Variants in AXIN2 observed in about 807,000 individuals in gnomAD.
AXIN2 encodes axin 2, also known as axin-2.
AXIN2 carries 21 observed loss-of-function variants against 74.7 expected under a neutral mutation model. The observed-to-expected ratio is 0.28, with a 90% CI of 0.20 to 0.40. The LOEUF (loss-of-function observed/expected upper bound fraction) is 0.40. Among genes scored for constraint, AXIN2 ranks in the 10% least tolerant of loss-of-function variants. The pLI is 1.00. For missense variants in AXIN2, 1,144 were observed against 1,111.1 expected, an observed-to-expected ratio of 1.03 and a Z score of -0.42; for synonymous variants, 532 against 454.9, an observed-to-expected ratio of 1.17 and a Z score of -2.16.
rs1041285156 is a variant in AXIN2, at chr17:65,529,690, T to C, written c.*286A>G. On this transcript the variant is annotated 3_prime_UTR_variant, in exon 11 of 11. Coordinates refer to ENST00000307078, the MANE Select transcript of AXIN2 (RefSeq NM_004655.4). ...CAGATCCCTAGGAAGTCATATATTATGTATGGCAGTCTCTCAAATACAGGC... is the reference window on the plus strand; with the variant it reads ...CAGATCCCTAGGAAGTCATATATTACGTATGGCAGTCTCTCAAATACAGGC... 6 of 482,350 alleles carry C rather than the reference T, an allele frequency of 1.2e-5. No individual in the cohort carries two copies. Among genetic ancestry groups the C allele is most frequent in the South Asian group, 8.4e-5 (4 of 47,844 alleles). 29.9% of individuals were successfully genotyped at this position (482,350 alleles called of 1,614,324 possible).
chr17:65,546,688 A>T (rs1459846875), intron 3 of AXIN2, among the ~76,000 whole-genome samples: 1 of 152,222 alleles, frequency 6.6e-6, no homozygotes, highest in Non-Finnish European at 1.5e-5. Context: ...TGTGACAGTT[A>T]ATCTGATAAC....
chr17:65,541,362 C>A (rs1224162636), intron 4 of AXIN2, 93 bp downstream of exon 4: 2 of 1,161,094 alleles, frequency 1.7e-6, no homozygotes, highest in African/African-American at 1.5e-5. Context: ...TTTCTACCTT[C>A]CCTATACCTC....
rs757100957 is a variant in AXIN2 at position 65,536,356 on chromosome 17, C to T, written c.2105G>A (p.Arg702His). The change falls in exon 8 of 11, where the codon CGC becomes CAC. Residue 702 changes from arginine (R) to histidine (H), a missense_variant. Coordinates refer to ENST00000307078, the MANE Select transcript of AXIN2 (RefSeq NM_004655.4). ...GGGCTTCGACACCTCAGCTAGCCTG[C>T]GACAGGCCTCCTCCAGCTGAGCCAG... is the stretch of plus-strand genomic sequence containing the variant. The part of the protein sequence containing the change: ...NTLAQLEEAC[R>H]RLAEVSKPPK... 2 of 1,613,318 alleles carry T rather than the reference C, an allele frequency of 1.2e-6. No individual in the cohort carries two copies. Among genetic ancestry groups the T allele is most frequent in the Non-Finnish European group, 1.7e-6 (2 of 1,179,898 alleles).
chr17:65,530,165 A>G (rs1036004936), intron 10 of AXIN2, 63 bp from the exon 11 acceptor site: 24 of 1,604,778 alleles, frequency 1.5e-5, no homozygotes, highest in Middle Eastern at 1.7e-4. Flanking sequence ...TGAAAAGAAA[A>G]GCATACCAAC....
chr17:65,531,885 C>T (rs2144402895), intron 10 of AXIN2, among the ~76,000 whole-genome samples: 1 of 152,308 alleles, frequency 6.6e-6, no homozygotes, highest in Admixed American at 6.5e-5. Flanking sequence ...CAGGTCCCCC[C>T]CACCTCCCAC....
At chr17:65,548,444 CTAAA>C (rs1329930310) in intron 3 of AXIN2, among the ~76,000 whole-genome samples, 50 of 152,232 alleles carry the variant, frequency 3.3e-4, no homozygotes, top group Non-Finnish European at 5.9e-5. Flanking sequence ...GGAACAAACT[CTAAA>C]TAAGTGTGCC....
chr17:65,554,548 G>A (rs1289111184), intron 2 of AXIN2, among the ~76,000 whole-genome samples: 3 of 152,342 alleles, frequency 2.0e-5, no homozygotes, highest in Non-Finnish European at 4.4e-5. Context: ...TCTAATTGTG[G>A]ACTACTGCTT....
At chr17:65,555,642 CAG>C (rs1482166793) in intron 2 of AXIN2, among the ~76,000 whole-genome samples, 2 of 152,132 alleles carry the variant, frequency 1.3e-5, no homozygotes, top group Admixed American at 6.6e-5. Flanking sequence ...TCCTATGACA[CAG>C]ACAGAAGGAA....
Position 65,553,850 on chromosome 17 carries a change from G to T in AXIN2, c.815+3956C>A, listed in dbSNP as rs867687746. On this transcript the variant is annotated intron_variant, in intron 2 of 10. Transcript: ENST00000307078. ...TGTGATTACTTAAAAAAAAAGGCGG[G>T]GGGGGGGGGAGGAAACTCAAACCAC... Among the ~76,000 whole-genome samples the T allele has an allele frequency of 1.3e-3, 187 of 142,702 alleles. 5 individuals carry two copies. The highest frequency in any genetic ancestry group is 5.6e-3 in the South Asian group (22 of 3,956). The allele number at this position is 142,702 out of a possible 152,430, so 93.6% of individuals were successfully genotyped here.
rs774353403 is a variant in AXIN2 at position 65,541,528 on chromosome 17, C to T, written c.986G>A (p.Ser329Asn). ...CATTTCTCTCTGGAGCTGTTTCTTACTGCCCACACGATAAGGAGGAATTCC... is the reference window on the plus strand; with the variant it reads ...CATTTCTCTCTGGAGCTGTTTCTTATTGCCCACACGATAAGGAGGAATTCC... Reference protein sequence around the residue: ...VDGIPPYRVGSKKQLQREMHR... With the variant: ...VDGIPPYRVGNKKQLQREMHR... Residue 329 changes from serine (S) to asparagine (N), a missense_variant, in exon 4 of 11, where the codon AGT becomes AAT. Coordinates refer to ENST00000307078, the MANE Select transcript of AXIN2 (RefSeq NM_004655.4). The T allele has an allele frequency of 8.7e-6, 14 of 1,614,052 alleles. No homozygotes were observed. The highest frequency in any genetic ancestry group is 1.6e-4 in the Middle Eastern group (1 of 6,082).
intron 2 of AXIN2, among the ~76,000 whole-genome samples, chr17:65,553,827 T>G (rs1316782141): frequency 1.8e-5 from 2 of 109,204 alleles, no homozygotes; most frequent in Non-Finnish European, 3.6e-5. Context: ...TGTTTTCTTG[T>G]GATTACTTAA....
intron 7 of AXIN2, 74 bp from the exon 8 acceptor site, chr17:65,536,627 A>T: frequency 6.5e-7 from 1 of 1,544,694 alleles, no homozygotes; most frequent in Non-Finnish European, 8.9e-7. Flanking sequence ...TGTGACTTCA[A>T]TAGAAACTTG....
intron 10 of AXIN2, among the ~76,000 whole-genome samples, chr17:65,531,535 C>T (rs1414778730): frequency 6.6e-6 from 1 of 152,050 alleles, no homozygotes; most frequent in African/African-American, 2.4e-5. Flanking sequence ...CAAATCCCAA[C>T]GCCACCCTCC....
chr17:65,535,237 C>T (rs1447812390), intron 9 of AXIN2, among the ~76,000 whole-genome samples: 1 of 152,142 alleles, frequency 6.6e-6, no homozygotes, highest in African/African-American at 2.4e-5. Context: ...CTTCTCCAAA[C>T]AAAAACACAA....
In AXIN2 at chr17:65,536,459, C is replaced by T. The variant is rs774732785; in HGVS notation, c.2002G>A (p.Gly668Arg). The T allele has an allele frequency of 1.2e-5, 20 of 1,613,774 alleles. No individual in the cohort carries two copies. The highest frequency in any genetic ancestry group is 7.7e-5 in the South Asian group (7 of 91,084). Residue 668 changes from glycine (G) to arginine (R), a missense_variant, in exon 8 of 11, where the codon GGG (glycine) becomes AGG (arginine). Transcript: ENST00000307078. Reference protein sequence around the residue: ...SRHHLWGGNSGHPRTTPRAHL... With the variant: ...SRHHLWGGNSRHPRTTPRAHL... ...GCACGGGGGGTGGTGCGGGGGTGCCCGCTGTTGCCCCCCCACAGATGGTGC... is the reference window on the plus strand; with the variant it reads ...GCACGGGGGGTGGTGCGGGGGTGCCTGCTGTTGCCCCCCCACAGATGGTGC...
rs1156549662 is a variant in AXIN2 at position 65,558,537 on chromosome 17, C to T, written c.84G>A (p.Gly28=). The T allele has an allele frequency of 5.6e-6, 9 of 1,613,772 alleles. No individual in the cohort carries two copies. The Admixed American group carries it at 1.5e-4, about 27-fold the overall frequency. Residue 28 remains glycine (G), a synonymous_variant, in exon 2 of 11, where the codon GGG becomes GGA. Coordinates refer to ENST00000307078, the MANE Select transcript of AXIN2 (RefSeq NM_004655.4). ...GACACGGTGGGGTCTCCCCTTCTTC[C>T]CCTGGCACTGGGGGCCGCGGGGCAT... The part of the protein sequence containing the change: ...REDAPRPPVP[G]EEGETPPCQP...
chr17:65,538,279 A>G lies in AXIN2; in HGVS notation c.1124T>C (p.Ile375Thr), dbSNP rs770644676. 6.2e-7 allele frequency: 1 copy of G among 1,614,152 alleles called. No homozygotes were observed. The highest frequency in any genetic ancestry group is 1.1e-5 in the South Asian group (1 of 91,086). Reference protein sequence around the residue: ...VEPATFAAELISRLEKLKLEL... With the variant: ...VEPATFAAELTSRLEKLKLEL... ...CAGCTTCAGCTTTTCCAGCCTCGAG[A>G]TCAGCTCAGCTGCAAAGGTGGCGGG... The change falls in exon 5 of 11, where the codon ATC becomes ACC. Residue 375 changes from isoleucine to threonine, a missense_variant. This residue lies in a region of AXIN2 where 1,053 missense variants were observed against 973.5 expected (regional missense o/e 1.08). Transcript: ENST00000307078.
At position 65,529,535 on chromosome 17, in the gene AXIN2, T is replaced by C. The variant is rs982056975; in HGVS notation, c.*441A>G. ...TTTAGTCAGAACAATTAAAACTTCC[T>C]GTCTCCCCCTTCCAAGTTTAAAGCA... On this transcript the variant is annotated 3_prime_UTR_variant, in exon 11 of 11. Coordinates refer to ENST00000307078, the MANE Select transcript of AXIN2 (RefSeq NM_004655.4). 5 of 335,234 alleles carry C rather than the reference T, an allele frequency of 1.5e-5. No individual in the cohort carries two copies. Among genetic ancestry groups the C allele is most frequent in the Admixed American group, 9.1e-5 (2 of 21,954 alleles). 20.8% of individuals were successfully genotyped at this position (335,234 alleles called of 1,614,324 possible).
Position 65,558,204 on chromosome 17 carries a change from A to C in AXIN2, c.417T>G (p.Ile139Met). 6.2e-7 allele frequency: 1 copy of C among 1,614,112 alleles called. No homozygotes were observed. The highest frequency in any genetic ancestry group is 8.5e-7 in the Non-Finnish European group (1 of 1,180,006). Residue 139 changes from isoleucine (I) to methionine (M), a missense_variant, in exon 2 of 11, where the codon ATT becomes ATG. Around this residue, in one of 4 missense-constraint regions of AXIN2, gnomAD observed 1,053 missense variants for 973.5 expected, o/e 1.08. Transcript: ENST00000307078. ...RVAKAIYKRY[I>M]ENNSIVSKQL... ...GCTTGGAGACAATGCTGTTGTTCTC[A>C]ATGTACCTTTTGTAGATCGCTTTGG...
Sources: allele counts gnomAD v4.1 joint callset (sites outside exome capture counted in the v4.1 genomes callset), GRCh38; gene constraint gnomAD v4.1.1; regional missense constraint gnomAD v4.1.1; transcripts MANE v1.5; gene names NCBI Gene and HGNC (gene_info 2026-07-23, HGNC 2026-07-21).